Variants in YEATS4 observed in about 807,000 individuals in gnomAD.
The protein encoded by YEATS4 is YEATS domain-containing protein 4.
YEATS4 carries 17 observed loss-of-function variants against 30.1 expected under a neutral mutation model. The observed-to-expected ratio is 0.56, with a 90% CI of 0.39 to 0.85. The LOEUF is 0.85. Among genes scored for constraint, YEATS4 ranks in the 40% least tolerant of loss-of-function variants. YEATS4 has a pLI of 0.00. For synonymous variants in YEATS4, 85 were observed against 87.5 expected (o/e 0.97, Z 0.16); for missense variants, 142 against 268.3 (o/e 0.53, Z 3.29).
chr12:69,372,517 C>CT (rs1875682608), intron 6 of YEATS4, among the ~76,000 whole-genome samples: 1 of 143,972 alleles, frequency 6.9e-6, no homozygotes, highest in Middle Eastern at 3.7e-3. Flanking sequence ...TCATTCTACT[C>CT]TGTTTTCTGT....
At chr12:69,412,607 C>T in the YEATS4 span, among the ~76,000 whole-genome samples, 9 of 152,024 alleles carry the variant, frequency 5.9e-5, no homozygotes, top group Admixed American at 3.9e-4. Flanking sequence ...GAGCCAAGAT[C>T]GCGCCACTGC....
At chr12:69,383,340 A>T (rs1467668226) in intron 6 of YEATS4, among the ~76,000 whole-genome samples, 1 of 152,186 alleles carries the variant, frequency 6.6e-6, no homozygotes, top group East Asian at 1.9e-4. Flanking sequence ...GTTGAGAAGG[A>T]TGTTGCACCA....
the YEATS4 span, among the ~76,000 whole-genome samples, chr12:69,406,023 A>G: frequency 6.6e-6 from 1 of 152,200 alleles, no homozygotes; most frequent in Non-Finnish European, 1.5e-5. Flanking sequence ...TGAATGTTCT[A>G]TGATTTATTT....
the YEATS4 span, among the ~76,000 whole-genome samples, chr12:69,413,175 G>T: frequency 6.6e-6 from 1 of 152,032 alleles, no homozygotes. Flanking sequence ...CACTGTGAGA[G>T]GCCAAGGTGG....
At chr12:69,386,367 C>T (rs1868251523) in intron 6 of YEATS4, among the ~76,000 whole-genome samples, 1 of 152,232 alleles carries the variant, frequency 6.6e-6, no homozygotes, top group African/African-American at 2.4e-5. Flanking sequence ...TACAGCTATA[C>T]AGGACTCCTT....
rs1875788142 is a variant in YEATS4, at chr12:69,374,891, A to G, written c.514+3916A>G. Among the ~76,000 whole-genome samples the G allele has an allele frequency of 2.0e-5, 3 of 152,038 alleles. No homozygotes were observed. The South Asian group carries it at 6.2e-4, about 32-fold the overall frequency. On this transcript the variant is annotated intron_variant, in intron 6 of 6. Coordinates refer to ENST00000247843, the MANE Select transcript of YEATS4 (RefSeq NM_006530.4). Reference sequence around the variant, plus strand: ...CATGGCCCGTTCTCAATGAGCTGTTAGGTACACCTCCCAGACGGGGTGGCG... The same window carrying G: ...CATGGCCCGTTCTCAATGAGCTGTTGGGTACACCTCCCAGACGGGGTGGCG...
the YEATS4 span, among the ~76,000 whole-genome samples, chr12:69,404,433 T>C: frequency 2.6e-5 from 4 of 152,022 alleles, no homozygotes; most frequent in Non-Finnish European, 5.9e-5. Flanking sequence ...TTCTCAGAGG[T>C]GGGTTAGTTA....
At chr12:69,414,785 T>C in the YEATS4 span, among the ~76,000 whole-genome samples, 144 of 152,328 alleles carry the variant, frequency 9.5e-4, 2 homozygotes, top group South Asian at 0.014. Context: ...GCCTAGACTT[T>C]GAAGCCAGAT....
chr12:69,380,196 G>A (rs1189620814), intron 6 of YEATS4, among the ~76,000 whole-genome samples: 2 of 152,168 alleles, frequency 1.3e-5, no homozygotes, highest in African/African-American at 4.8e-5. Flanking sequence ...GGTTTTTATT[G>A]TAGTCTTTGT....
At chr12:69,361,607 A>G (rs1160911219) in intron 1 of YEATS4, among the ~76,000 whole-genome samples, 4 of 149,614 alleles carry the variant, frequency 2.7e-5, no homozygotes, top group African/African-American at 9.7e-5. Flanking sequence ...CTTCATTTTT[A>G]TTGTTGTTGG....
intron 6 of YEATS4, among the ~76,000 whole-genome samples, chr12:69,381,087 C>T (rs771959969): frequency 9.9e-5 from 15 of 152,120 alleles, no homozygotes; most frequent in Admixed American, 2.0e-4. Flanking sequence ...AGCAGGCAAC[C>T]GGTCTGACCG....
chr12:69,407,791 A>ACCACAAC, the YEATS4 span, among the ~76,000 whole-genome samples: 16,788 of 136,658 alleles, frequency 0.12, 1,138 homozygotes, highest in East Asian at 0.2. Context: ...ATCTCAGCTC[A>ACCACAAC]CCACAACCTC....
intron 6 of YEATS4, among the ~76,000 whole-genome samples, chr12:69,379,913 T>G (rs1876010996): frequency 6.6e-6 from 1 of 152,182 alleles, no homozygotes; most frequent in South Asian, 2.1e-4. Context: ...ATGTCAGTGG[T>G]GTTTTCAACT....
chr12:69,415,085 C>T, the YEATS4 span, among the ~76,000 whole-genome samples: 67,790 of 151,982 alleles, frequency 0.45, 17,126 homozygotes, highest in Non-Finnish European at 0.57. Flanking sequence ...GCATGCTGAG[C>T]GCACACTTGC....
At chr12:69,372,099 G>A (rs1480898355) in intron 6 of YEATS4, among the ~76,000 whole-genome samples, 3 of 152,196 alleles carry the variant, frequency 2.0e-5, no homozygotes, top group Non-Finnish European at 4.4e-5. Context: ...ATAGGGACTT[G>A]TGGGTAACTA....
At chr12:69,365,099 CT>C (rs1875376626) in intron 2 of YEATS4, among the ~76,000 whole-genome samples, 1 of 151,848 alleles carries the variant, frequency 6.6e-6, no homozygotes. Flanking sequence ...ACGTGTATTT[CT>C]ATACATTACA....
the YEATS4 span, among the ~76,000 whole-genome samples, chr12:69,420,088 G>C: frequency 3.9e-5 from 6 of 152,334 alleles, no homozygotes; most frequent in East Asian, 1.2e-3. Context: ...CATTGTCTTT[G>C]AGGGTAAAAT....
chr12:69,381,234 G>A (rs1038570744), intron 6 of YEATS4, among the ~76,000 whole-genome samples: 1 of 152,156 alleles, frequency 6.6e-6, no homozygotes, highest in African/African-American at 2.4e-5. Context: ...CTTACCCTCA[G>A]GGACACATTC....
intron 6 of YEATS4, among the ~76,000 whole-genome samples, chr12:69,383,487 G>C (rs1656542259): frequency 6.6e-6 from 1 of 152,148 alleles, no homozygotes; most frequent in African/African-American, 2.4e-5. Context: ...GAGAGACCTG[G>C]GCACTCCAAA....
Sources: allele counts gnomAD v4.1 joint callset (sites outside exome capture counted in the v4.1 genomes callset), GRCh38; gene constraint gnomAD v4.1.1; transcripts MANE v1.5; gene names NCBI Gene and HGNC (gene_info 2026-07-23, HGNC 2026-07-21).